Variants in ST7L observed in about 807,000 individuals in gnomAD.
ST7L encodes the protein suppression of tumorigenicity 7 like.
Under a neutral mutation model 72.5 loss-of-function variants are expected in ST7L, and 57 were observed. The observed-to-expected ratio is 0.79, with a 90% CI of 0.64 to 0.98. The LOEUF is 0.98. ST7L is among the 50% of genes least tolerant of loss of function. ST7L has a pLI of 0.00. For missense variants in ST7L, 576 were observed against 672.2 expected, an observed-to-expected ratio of 0.86 and a Z score of 1.58; for synonymous variants, 221 against 240.9, an observed-to-expected ratio of 0.92 and a Z score of 0.77.
chr1:112,549,123 T>A (rs138393592), intron 13 of ST7L, among the ~76,000 whole-genome samples: 2 of 152,268 alleles, frequency 1.3e-5, no homozygotes, highest in African/African-American at 4.8e-5. Flanking sequence ...CCAGCCATGG[T>A]GGTTCACGCC....
chr1:112,605,472 C>A (rs1393194391), intron 3 of ST7L, among the ~76,000 whole-genome samples: 2 of 151,962 alleles, frequency 1.3e-5, no homozygotes, highest in African/African-American at 4.8e-5. Context: ...AGGCAGATCA[C>A]CTGAGGTTGG....
At chr1:112,600,872 G>A (rs778678109) in intron 3 of ST7L, 24 bp from the exon 4 acceptor site, 3 of 1,592,966 alleles carry the variant, frequency 1.9e-6, no homozygotes, top group African/African-American at 2.7e-5. Flanking sequence ...GAGAAAAAGG[G>A]GGAAAAAGAG....
rs528210335 is a variant in ST7L at position 112,563,046 on chromosome 1, T to G, written c.1246-7028A>C. ...AGGGAGAGAACAGGAGATTTCTACT[T>G]TGTAAAAGTCTGAAGAGTCTGAATT... On this transcript the variant is annotated intron_variant, in intron 11 of 14. Coordinates refer to ENST00000358039, the MANE Select transcript of ST7L (RefSeq NM_017744.5). Among the ~76,000 whole-genome samples, 9 of 152,040 alleles carry G rather than the reference T, an allele frequency of 5.9e-5. No individual in the cohort carries two copies. The South Asian group carries it at 1.9e-3, about 31-fold the overall frequency.
At chr1:112,561,258 G>A (rs1339361836) in intron 11 of ST7L, among the ~76,000 whole-genome samples, 1 of 148,518 alleles carries the variant, frequency 6.7e-6, no homozygotes, top group Non-Finnish European at 1.5e-5. Context: ...AAAATAATAT[G>A]TTTGAAGAAT....
rs904588148 is a variant in ST7L, at chr1:112,523,827, C to T, written c.*2186G>A. 2 of 151,918 alleles carry T rather than the reference C, an allele frequency of 1.3e-5. No homozygotes were observed. The highest frequency in any genetic ancestry group is 6.6e-5 in the Admixed American group (1 of 15,252). The allele number at this position is 151,918 out of a possible 1,614,324, so 9.4% of individuals were successfully genotyped here. A position where few individuals can be genotyped will look rare whatever the true frequency, so the allele number is the denominator to read the frequency against. On this transcript the variant is annotated 3_prime_UTR_variant, in exon 15 of 15. Transcript: ENST00000358039. Reference sequence around the variant, plus strand: ...TAGAGAAGGCACATGACTGAAGTACCTCAGCTGCGCAGCCTGTAGCCAGTT... The same window carrying T: ...TAGAGAAGGCACATGACTGAAGTACTTCAGCTGCGCAGCCTGTAGCCAGTT...
At chr1:112,583,713 T>A (rs1403046908) in intron 7 of ST7L, among the ~76,000 whole-genome samples, 1 of 152,228 alleles carries the variant, frequency 6.6e-6, no homozygotes, top group Non-Finnish European at 1.5e-5. Flanking sequence ...AATTCTCACA[T>A]GAAATAAATT....
At chr1:112,548,755 T>A (rs956186730) in intron 13 of ST7L, among the ~76,000 whole-genome samples, 1 of 152,200 alleles carries the variant, frequency 6.6e-6, no homozygotes, top group Non-Finnish European at 1.5e-5. Flanking sequence ...AACAGAAATT[T>A]ACTAGTTTAC....
At chr1:112,546,316 CAAAA>C (rs57742086) in intron 13 of ST7L, among the ~76,000 whole-genome samples, 8 of 91,334 alleles carry the variant, frequency 8.8e-5, no homozygotes, top group Non-Finnish European at 1.5e-4. Flanking sequence ...AATCCTAACT[CAAAA>C]AAAAAAAAAA....
chr1:112,560,425 A>G (rs1270069449), intron 11 of ST7L, among the ~76,000 whole-genome samples: 1 of 152,144 alleles, frequency 6.6e-6, no homozygotes, highest in Non-Finnish European at 1.5e-5. Flanking sequence ...AACAAAAACA[A>G]AAAAGCAATT....
intron 13 of ST7L, among the ~76,000 whole-genome samples, chr1:112,542,877 G>A (rs1656385265): frequency 6.6e-6 from 1 of 151,944 alleles, no homozygotes; most frequent in Admixed American, 6.6e-5. Context: ...TCGGCTCACT[G>A]CAACCTCTGC....
chr1:112,602,560 T>C (rs1558046111), intron 3 of ST7L, among the ~76,000 whole-genome samples: 1 of 152,214 alleles, frequency 6.6e-6, no homozygotes, highest in African/African-American at 2.4e-5. Context: ...GGCAAATTTC[T>C]TTTAAACATT....
intron 5 of ST7L, among the ~76,000 whole-genome samples, chr1:112,594,685 G>A (rs2101978990): frequency 6.6e-6 from 1 of 152,276 alleles, no homozygotes; most frequent in East Asian, 1.9e-4. Flanking sequence ...GTTGTCATGG[G>A]GAGGCATGTT....
At chr1:112,605,848 G>A (rs1466788873) in intron 3 of ST7L, among the ~76,000 whole-genome samples, 1 of 152,198 alleles carries the variant, frequency 6.6e-6, no homozygotes, top group Non-Finnish European at 1.5e-5. Flanking sequence ...TGGAAAGGCA[G>A]CCTCACCCTT....
At chr1:112,615,934 A>G (rs530643266) in intron 2 of ST7L, among the ~76,000 whole-genome samples, 43 of 152,162 alleles carry the variant, frequency 2.8e-4, no homozygotes, top group African/African-American at 1.0e-3. Context: ...ACGGAGTTTC[A>G]TCATGTTGGC....
intron 6 of ST7L, 104 bp from the exon 7 acceptor site, chr1:112,584,230 T>C: frequency 8.2e-7 from 1 of 1,219,386 alleles, no homozygotes; most frequent in Non-Finnish European, 1.1e-6. Flanking sequence ...CCTACACTTT[T>C]TCCATCTTTA....
chr1:112,604,303 C>T (rs909760440), intron 3 of ST7L, among the ~76,000 whole-genome samples: 91 of 152,090 alleles, frequency 6.0e-4, no homozygotes, highest in Non-Finnish European at 6.8e-4. Flanking sequence ...AGCGAGACTT[C>T]ATCACAAAAT....
chr1:112,556,138 TA>T, intron 11 of ST7L, 120 bp from the exon 12 acceptor site: 2 of 756,372 alleles, frequency 2.6e-6, no homozygotes, highest in Non-Finnish European at 3.7e-6. Flanking sequence ...AACTGATTTT[TA>T]AAAAACTAAC....
intron 1 of ST7L, chr1:112,618,019 C>A: frequency 7.7e-7 from 1 of 1,303,970 alleles, no homozygotes; most frequent in Non-Finnish European, 1.0e-6. Flanking sequence ...TCTTTCATGT[C>A]ATCTCTGAAC....
At chr1:112,609,454 C>A (rs1202040167) in intron 3 of ST7L, among the ~76,000 whole-genome samples, 1 of 149,320 alleles carries the variant, frequency 6.7e-6, no homozygotes, top group Non-Finnish European at 1.5e-5. Context: ...TCACTTGAAC[C>A]CAGGAGGCAG....
Sources: allele counts gnomAD v4.1 joint callset (sites outside exome capture counted in the v4.1 genomes callset), GRCh38; gene constraint gnomAD v4.1.1; transcripts MANE v1.5; gene names NCBI Gene and HGNC (gene_info 2026-07-23, HGNC 2026-07-21).